Variants in UTP25 observed in about 807,000 individuals in gnomAD.
UTP25 encodes U3 small nucleolar RNA-associated protein 25 homolog.
A neutral mutation model predicts 78.9 loss-of-function variants in UTP25; 50 were observed. The observed-to-expected ratio is 0.63, with a 90% confidence interval of 0.50 to 0.80. The LOEUF (loss-of-function observed/expected upper bound fraction) is 0.80, where lower values mean the gene tolerates loss of function less well. Among genes scored for constraint, UTP25 ranks in the 30% least tolerant of loss-of-function variants. UTP25 has a pLI of 0.00. For synonymous variants in UTP25, 329 were observed against 336.5 expected (o/e 0.98, Z 0.24); for missense variants, 846 against 911.3 (o/e 0.93, Z 0.92).
chr1:209,833,251 C>T lies in UTP25; in HGVS notation c.455C>T (p.Thr152Ile). Residue 152 changes from threonine to isoleucine, a missense_variant, in exon 4 of 12, where the codon ACA becomes ATA. Thr to Ile is a moderately conservative substitution (Grantham distance 89). Transcript: ENST00000491415. The stretch of plus-strand genomic sequence containing the variant: ...GAAGAGCCACCGGGCACATCACAAA[C>T]ATCCCCCGAAGAGTTCACAGATGCA... ...DGEEPPGTSQ[T>I]SPEEFTDAKH... is the part of the protein sequence containing the mutation. The T allele has an allele frequency of 6.2e-7, 1 of 1,613,890 alleles. No individual in the cohort carries two copies. The highest frequency in any genetic ancestry group is 8.5e-7 in the Non-Finnish European group (1 of 1,179,914).
At position 209,852,589 on chromosome 1, in the gene UTP25, CCT is replaced by C. The variant is rs1347283178; in HGVS notation, c.*1143_*1144del. 4 of 152,174 alleles carry C rather than the reference CCT, an allele frequency of 2.6e-5. No individual in the cohort carries two copies. The highest frequency in any genetic ancestry group is 6.5e-5 in the Admixed American group (1 of 15,276). The allele number at this position is 152,174 out of a possible 1,614,324, so 9.4% of individuals were successfully genotyped here. Reference sequence around the variant, plus strand: ...CGCTGGGAGCACCTTCAGGTTAGCCCCTGTGTACTTTTGACATGTCCCCCATC... The same window carrying C: ...CGCTGGGAGCACCTTCAGGTTAGCCCGTGTACTTTTGACATGTCCCCCATC... On this transcript the variant is annotated 3_prime_UTR_variant, in exon 12 of 12. Coordinates refer to ENST00000491415, the MANE Select transcript of UTP25 (RefSeq NM_014388.7).
intron 2 of UTP25, among the ~76,000 whole-genome samples, chr1:209,830,468 A>C (rs2078096462): frequency 6.6e-6 from 1 of 151,384 alleles, no homozygotes; most frequent in African/African-American, 2.4e-5. Flanking sequence ...ACAGTGCAAA[A>C]TGAACAAAGG....
In UTP25 at chr1:209,830,873, A is replaced by G; in HGVS notation, c.218A>G (p.His73Arg). 6.2e-7 allele frequency: 1 copy of G among 1,614,164 alleles called. No individual in the cohort carries two copies. The highest frequency in any genetic ancestry group is 8.5e-7 in the Non-Finnish European group (1 of 1,179,990). The change falls in exon 3 of 12, where the codon CAC (histidine) becomes CGC (arginine). Residue 73 changes from histidine (H) to arginine (R), a missense_variant. Physicochemically the swap from His to Arg is conservative, Grantham distance 29. Transcript: ENST00000491415. ...GAACCACAACAAGTTTCTGGCTACC[A>G]CAGACTACTTGCTACATTAAAGAAT... ...ESEPQQVSGY[H>R]RLLATLKNVS...
Position 209,843,587 on chromosome 1 carries a change from C to T in UTP25, c.1918C>T (p.His640Tyr), listed in dbSNP as rs1289478974. ...YFKKEELNFT[H>Y]ICEYTQKSGV... Reference sequence around the variant, plus strand: ...CAAGAAGGAGGAATTGAATTTTACCCACATCTGCGAGTACACGCAGAAGTC... The same window carrying T: ...CAAGAAGGAGGAATTGAATTTTACCTACATCTGCGAGTACACGCAGAAGTC... The change falls in exon 11 of 12, where the codon CAC becomes TAC. Residue 640 changes from histidine to tyrosine, a missense_variant. Transcript: ENST00000491415. The T allele has an allele frequency of 1.9e-6, 3 of 1,614,176 alleles. No individual in the cohort carries two copies. The highest frequency in any genetic ancestry group is 2.5e-6 in the Non-Finnish European group (3 of 1,180,024).
chr1:209,837,214 G>A lies in UTP25; in HGVS notation c.1062+3G>A. 1 of 1,610,288 alleles carries A rather than the reference G, an allele frequency of 6.2e-7. No homozygotes were observed. Among genetic ancestry groups the A allele is most frequent in the Non-Finnish European group, 8.5e-7 (1 of 1,177,460 alleles). ...ACCAAGGGTTAACAAGGCCCAAGGT[G>A]AGTCCAGCAGGAAAGCTTTGCTCTC... On this transcript the variant is annotated splice_donor_region_variant and intron_variant, in intron 6 of 11. Coordinates refer to ENST00000491415, the MANE Select transcript of UTP25 (RefSeq NM_014388.7).
rs747657086 is a variant in UTP25 at position 209,828,179 on chromosome 1, G to A, written c.107+9G>A. 13 of 1,600,678 alleles carry A rather than the reference G, an allele frequency of 8.1e-6. No homozygotes were observed. In the Admixed American group the frequency reaches 1.7e-4, roughly 21 times the overall value. Reference sequence around the variant, plus strand: ...CATCCCTTCTATGACAGGTCTGAAGGGGCGTGGCAGGGCTCCCCAGTCGCC... The same window carrying A: ...CATCCCTTCTATGACAGGTCTGAAGAGGCGTGGCAGGGCTCCCCAGTCGCC... On this transcript the variant is annotated intron_variant, in intron 1 of 11. Coordinates refer to ENST00000491415, the MANE Select transcript of UTP25 (RefSeq NM_014388.7).
chr1:209,828,401 A>T (rs1365453421), intron 1 of UTP25, among the ~76,000 whole-genome samples: 4 of 136,402 alleles, frequency 2.9e-5, no homozygotes, highest in East Asian at 2.1e-4. Flanking sequence ...GTGGGGGAGG[A>T]TTTTTTTTTT....
chr1:209,841,321 C>A (rs1029447269), intron 8 of UTP25, among the ~76,000 whole-genome samples: 1 of 152,172 alleles, frequency 6.6e-6, no homozygotes, highest in Admixed American at 6.5e-5. Context: ...CTTAAAATTT[C>A]TTTCTACTAA....
In UTP25 at chr1:209,856,173, T is replaced by TC. The variant is rs970489545; in HGVS notation, c.*4730dup. On this transcript the variant is annotated 3_prime_UTR_variant, in exon 12 of 12. Coordinates refer to ENST00000491415, the MANE Select transcript of UTP25 (RefSeq NM_014388.7). ...CTCATCTTTATGAAGTATGGAGTAA[T>TC]CCCCACTAGCCTTATAGAGGGACTG... 2.6e-5 allele frequency: 4 copies of TC among 152,232 alleles called. No individual in the cohort carries two copies. The highest frequency in any genetic ancestry group is 9.6e-5 in the African/African-American group (4 of 41,456). 9.4% of individuals were successfully genotyped at this position (152,232 alleles called of 1,614,324 possible).
In UTP25 at chr1:209,837,168, G is replaced by T. The variant is rs200605818; in HGVS notation, c.1019G>T (p.Gly340Val). The T allele has an allele frequency of 4.3e-6, 7 of 1,614,114 alleles. No individual in the cohort carries two copies. The East Asian group carries it at 8.9e-5, about 21-fold the overall frequency. The change falls in exon 6 of 12, where the codon GGT becomes GTT. Residue 340 changes from glycine (G) to valine (V), a missense_variant. Physicochemically the swap from Gly to Val is moderately radical, Grantham distance 109. Transcript: ENST00000491415. ...CGCCGAAGCCAGAAGTTTGGAGTGGGTGATGATGATGACTTCAGAGACCAA... is the reference window on the plus strand; with the variant it reads ...CGCCGAAGCCAGAAGTTTGGAGTGGTTGATGATGATGACTTCAGAGACCAA... ...SRRRSQKFGV[G>V]DDDDFRDQGL... is the part of the protein sequence containing the mutation.
chr1:209,830,759 G>A (rs2078098572), intron 2 of UTP25, 44 bp from the exon 3 acceptor site: 3 of 1,597,452 alleles, frequency 1.9e-6, no homozygotes, highest in Admixed American at 1.7e-5. Flanking sequence ...GTAACAATAA[G>A]AACAATATAG....
chr1:209,845,644 C>G (rs569434756), intron 11 of UTP25, among the ~76,000 whole-genome samples: 2 of 152,234 alleles, frequency 1.3e-5, no homozygotes, highest in East Asian at 3.9e-4. Flanking sequence ...GCTTTATGCC[C>G]TGGGCCAGGT....
chr1:209,838,818 G>A, intron 6 of UTP25, 91 bp from the exon 7 acceptor site: 1 of 1,404,352 alleles, frequency 7.1e-7, no homozygotes, highest in Non-Finnish European at 1.0e-6. Flanking sequence ...GCTCTACATG[G>A]AGCTTTTTAG....
intron 7 of UTP25, among the ~76,000 whole-genome samples, 197 bp downstream of exon 7, chr1:209,839,325 C>T (rs1236730801): frequency 6.6e-6 from 1 of 152,094 alleles, no homozygotes; most frequent in African/African-American, 2.4e-5. Flanking sequence ...CCAGTGGAGT[C>T]GGGAGGATCT....
At position 209,854,184 on chromosome 1, in the gene UTP25, T is replaced by A. The variant is rs2078257964; in HGVS notation, c.*2737T>A. The A allele has an allele frequency of 6.6e-6, 1 of 152,146 alleles. No individual in the cohort carries two copies. Among genetic ancestry groups the A allele is most frequent in the African/African-American group, 2.4e-5 (1 of 41,436 alleles). The allele number at this position is 152,146 out of a possible 1,614,324, so 9.4% of individuals were successfully genotyped here. Reference sequence around the variant, plus strand: ...AGCAAGCAAGTGCCTATATAGGGTCTGAAATATAGACAAAGGATGGTCCCA... The same window carrying A: ...AGCAAGCAAGTGCCTATATAGGGTCAGAAATATAGACAAAGGATGGTCCCA... On this transcript the variant is annotated 3_prime_UTR_variant, in exon 12 of 12. Coordinates refer to ENST00000491415, the MANE Select transcript of UTP25 (RefSeq NM_014388.7).
chr1:209,839,832 C>T (rs914441596), intron 7 of UTP25, among the ~76,000 whole-genome samples: 4 of 152,088 alleles, frequency 2.6e-5, no homozygotes, highest in African/African-American at 4.8e-5. Context: ...ACAGAGCAGG[C>T]AGTGCAGGAT....
intron 8 of UTP25, among the ~76,000 whole-genome samples, chr1:209,841,624 T>A (rs199742004): frequency 6.6e-6 from 1 of 152,174 alleles, no homozygotes; most frequent in African/African-American, 2.4e-5. Flanking sequence ...TTTGGAACAA[T>A]CCTTATTTAG....
At position 209,856,532 on chromosome 1, in the gene UTP25, A is replaced by G. The variant is rs148428292; in HGVS notation, c.*5085A>G. ...GTGAAGAAAGGAGCTTGGTTCTGCA[A>G]GGATGTTGTAGAGCTGCCATACCAG... On this transcript the variant is annotated 3_prime_UTR_variant, in exon 12 of 12. Coordinates refer to ENST00000491415, the MANE Select transcript of UTP25 (RefSeq NM_014388.7). The G allele has an allele frequency of 0.013, 2,021 of 152,388 alleles. 20 individuals are homozygous for G. The highest frequency in any genetic ancestry group is 0.021 in the Non-Finnish European group (1,399 of 68,054). The allele number at this position is 152,388 out of a possible 1,614,324, so 9.4% of individuals were successfully genotyped here.
rs756130655 is a variant in UTP25, at chr1:209,851,359, G to A, written c.2183G>A (p.Arg728Lys). 4 of 1,614,204 alleles carry A rather than the reference G, an allele frequency of 2.5e-6. No individual in the cohort carries two copies. The East Asian group carries it at 6.7e-5, about 27-fold the overall frequency. ...TVLYSKYDAQRLAAVVGVERA... is the reference protein window; with the variant it reads ...TVLYSKYDAQKLAAVVGVERA... ...CTCTACTCCAAATATGATGCCCAGAGGTTAGCTGCCGTGGTTGGTGTGGAG... is the reference window on the plus strand; with the variant it reads ...CTCTACTCCAAATATGATGCCCAGAAGTTAGCTGCCGTGGTTGGTGTGGAG... The change falls in exon 12 of 12, where the codon AGG becomes AAG. Residue 728 changes from arginine (R) to lysine (K), a missense_variant. Physicochemically the swap from Arg to Lys is conservative, Grantham distance 26 (BLOSUM62 2). Transcript: ENST00000491415.
Sources: allele counts gnomAD v4.1 joint callset (sites outside exome capture counted in the v4.1 genomes callset), GRCh38; gene constraint gnomAD v4.1.1; transcripts MANE v1.5; gene names NCBI Gene and HGNC (gene_info 2026-07-23, HGNC 2026-07-21).